CTNNA3: variants seen among roughly 807,000 people sequenced by gnomAD.
The protein encoded by CTNNA3 is catenin alpha-3.
A neutral mutation model predicts 95.7 loss-of-function variants in CTNNA3; 76 were observed. The observed-to-expected ratio is 0.79, with a 90% CI of 0.66 to 0.96. The LOEUF (loss-of-function observed/expected upper bound fraction) is 0.96. Among genes scored for constraint, CTNNA3 ranks in the 40% least tolerant of loss-of-function variants. The pLI is 0.00. For synonymous variants in CTNNA3, 431 were observed against 374.4 expected, an observed-to-expected ratio of 1.15 and a Z score of -1.74; for missense variants, 1,191 against 1,089.8, an observed-to-expected ratio of 1.09 and a Z score of -1.31.
intron 1 of CTNNA3, among the ~76,000 whole-genome samples, chr10:67,686,595 A>G (rs920126593): frequency 1.3e-5 from 2 of 152,090 alleles, no homozygotes; most frequent in Non-Finnish European, 2.9e-5. Context: ...TGCCATTTAC[A>G]TTGTGAGTAG....
intron 13 of CTNNA3, among the ~76,000 whole-genome samples, chr10:66,263,751 T>G (rs2091075667): frequency 6.6e-6 from 1 of 151,964 alleles, no homozygotes; most frequent in Non-Finnish European, 1.5e-5. Context: ...AGCTACAGCT[T>G]TAGTCATCAA....
At chr10:66,038,500 T>C (rs1286194159) in intron 15 of CTNNA3, among the ~76,000 whole-genome samples, 1 of 152,226 alleles carries the variant, frequency 6.6e-6, no homozygotes, top group Non-Finnish European at 1.5e-5. Context: ...TTTGAGCATT[T>C]AAATAACCTA....
chr10:67,425,641 C>T (rs1468784426), intron 5 of CTNNA3, among the ~76,000 whole-genome samples: 1 of 151,984 alleles, frequency 6.6e-6, no homozygotes, highest in African/African-American at 2.4e-5. Context: ...TTTGCCTCAG[C>T]CCGCCATCTG....
intron 12 of CTNNA3, among the ~76,000 whole-genome samples, chr10:66,321,695 A>T (rs1164275036): frequency 1.3e-5 from 2 of 152,286 alleles, no homozygotes; most frequent in Non-Finnish European, 2.9e-5. Context: ...ACATATTTTT[A>T]TACTCTCCGA....
chr10:66,063,607 T>C (rs557138831), intron 15 of CTNNA3, among the ~76,000 whole-genome samples: 3 of 152,006 alleles, frequency 2.0e-5, no homozygotes, highest in South Asian at 2.1e-4. Flanking sequence ...ATTTTATTTT[T>C]AAAAAACTAG....
At chr10:67,155,036 C>T (rs536071421) in intron 7 of CTNNA3, among the ~76,000 whole-genome samples, 60 of 152,234 alleles carry the variant, frequency 3.9e-4, no homozygotes, top group African/African-American at 1.4e-3. Flanking sequence ...TTTTAGCACC[C>T]TGTATATTTC....
At chr10:66,147,544 T>G (rs1193252454) in intron 13 of CTNNA3, among the ~76,000 whole-genome samples, 2 of 150,816 alleles carry the variant, frequency 1.3e-5, no homozygotes, top group African/African-American at 2.4e-5. Flanking sequence ...TACATAATAC[T>G]CCATAGAATA....
intron 7 of CTNNA3, among the ~76,000 whole-genome samples, chr10:67,010,845 T>C (rs1196497034): frequency 6.6e-6 from 1 of 152,214 alleles, no homozygotes; most frequent in African/African-American, 2.4e-5. Flanking sequence ...TATTTGTAGA[T>C]ACTAATTAAA....
At chr10:66,493,669 G>C (rs1840003640) in intron 11 of CTNNA3, among the ~76,000 whole-genome samples, 1 of 143,526 alleles carries the variant, frequency 7.0e-6, no homozygotes, top group South Asian at 2.2e-4. Context: ...TCAGTGGCGT[G>C]ATCTCCGGTC....
At chr10:67,416,788 CA>C (rs977349291) in intron 5 of CTNNA3, among the ~76,000 whole-genome samples, 2 of 151,446 alleles carry the variant, frequency 1.3e-5, no homozygotes, top group African/African-American at 4.9e-5. Flanking sequence ...ATTAAAGAGC[CA>C]AAAAAACAAC....
At chr10:66,139,027 T>C (rs955866252) in intron 13 of CTNNA3, among the ~76,000 whole-genome samples, 2 of 152,184 alleles carry the variant, frequency 1.3e-5, no homozygotes, top group African/African-American at 2.4e-5. Flanking sequence ...CCCCCAGGCT[T>C]TCTGGTCATG....
chr10:65,962,058 C>T (rs1375757417), intron 17 of CTNNA3, among the ~76,000 whole-genome samples: 1 of 152,056 alleles, frequency 6.6e-6, no homozygotes, highest in Non-Finnish European at 1.5e-5. Flanking sequence ...GTTTTAACTG[C>T]CACAGTCAAG....
chr10:65,954,813 G>A (rs1358443688), intron 17 of CTNNA3, among the ~76,000 whole-genome samples: 1 of 152,162 alleles, frequency 6.6e-6, no homozygotes, highest in East Asian at 1.9e-4. Context: ...TTGAAGTCAG[G>A]TAGCATGATG....
At chr10:67,152,733 C>A (rs1861137794) in intron 7 of CTNNA3, among the ~76,000 whole-genome samples, 1 of 152,184 alleles carries the variant, frequency 6.6e-6, no homozygotes, top group Non-Finnish European at 1.5e-5. Context: ...AAAATAGCTT[C>A]TACTTGTTAT....
chr10:66,039,277 A>G (rs1414978355), intron 15 of CTNNA3, among the ~76,000 whole-genome samples: 3 of 152,172 alleles, frequency 2.0e-5, no homozygotes, highest in Admixed American at 1.3e-4. Context: ...CATTCCTACT[A>G]GGAAGAATCA....
intron 13 of CTNNA3, among the ~76,000 whole-genome samples, chr10:66,251,486 T>C (rs2090550322): frequency 6.6e-6 from 1 of 152,128 alleles, no homozygotes; most frequent in African/African-American, 2.4e-5. Flanking sequence ...TATTCATGGC[T>C]AAATTGGCAT....
intron 16 of CTNNA3, among the ~76,000 whole-genome samples, chr10:65,976,269 C>T (rs186483297): frequency 6.6e-6 from 1 of 152,038 alleles, no homozygotes; most frequent in Non-Finnish European, 1.5e-5. Context: ...ATTATAAACT[C>T]GATTAATGTG....
chr10:66,917,150 C>T (rs1398762260), intron 7 of CTNNA3, among the ~76,000 whole-genome samples: 1 of 152,144 alleles, frequency 6.6e-6, no homozygotes, highest in African/African-American at 2.4e-5. Flanking sequence ...CTACTGTATC[C>T]CCAGCACGAA....
chr10:67,006,920 A>G (rs1385643352), intron 7 of CTNNA3, among the ~76,000 whole-genome samples: 2 of 152,060 alleles, frequency 1.3e-5, no homozygotes, highest in Admixed American at 6.6e-5. Context: ...CTGCCTCCCA[A>G]GTAGCTGGGA....
Sources: gnomAD v4.1 joint callset for allele counts (sites outside exome capture counted in the v4.1 genomes callset) on GRCh38, gnomAD v4.1.1 for gene constraint, MANE v1.5 for transcripts, NCBI Gene and HGNC (gene_info 2026-07-23, HGNC 2026-07-21) for gene names.